Variants in LCP1 observed in about 807,000 individuals in gnomAD.
The protein encoded by LCP1 is plastin-2.
LCP1 carries 23 observed loss-of-function variants against 72.0 expected under a neutral mutation model. The observed-to-expected ratio is 0.32, with a 90% confidence interval of 0.23 to 0.45. The LOEUF (loss-of-function observed/expected upper bound fraction) is 0.45. Among genes scored for constraint, LCP1 ranks in the 20% least tolerant of loss-of-function variants. The pLI, the probability that LCP1 is intolerant of heterozygous loss-of-function variation, is 1.00. For synonymous variants in LCP1, 245 were observed against 275.4 expected (o/e 0.89, Z 1.09); for missense variants, 571 against 748.3 (o/e 0.76, Z 2.76).
At chr13:46,163,410 G>C (rs949649440) in intron 1 of LCP1, among the ~76,000 whole-genome samples, 17 of 152,248 alleles carry the variant, frequency 1.1e-4, no homozygotes, top group Admixed American at 1.0e-3. Context: ...TGCCAGATGT[G>C]CTTTGTTAAA....
rs916343134 is a variant in LCP1, at chr13:46,147,487, T to C, written c.979-384A>G. 2.0e-5 allele frequency among the ~76,000 whole-genome samples: 3 copies of C among 152,220 alleles called. No individual in the cohort carries two copies. In the East Asian group the frequency reaches 5.8e-4, roughly 29 times the overall value. ...ATGACATGAGATTGTCTATCAAAAATTTTATTTATTAATTTATATTCCCAT... is the reference window on the plus strand; with the variant it reads ...ATGACATGAGATTGTCTATCAAAAACTTTATTTATTAATTTATATTCCCAT... On this transcript the variant is annotated intron_variant, in intron 9 of 15. Coordinates refer to ENST00000323076, the MANE Select transcript of LCP1 (RefSeq NM_002298.5).
intron 1 of LCP1, among the ~76,000 whole-genome samples, chr13:46,164,186 G>T (rs796377579): frequency 6.6e-6 from 1 of 152,148 alleles, no homozygotes; most frequent in Non-Finnish European, 1.5e-5. Context: ...ATTTTAGAGC[G>T]CTATCAGCAG....
intron 7 of LCP1, among the ~76,000 whole-genome samples, chr13:46,151,599 A>G (rs961637439): frequency 6.6e-6 from 1 of 152,196 alleles, no homozygotes; most frequent in Non-Finnish European, 1.5e-5. Context: ...TTGCTCAGCT[A>G]GAAGGTTTAA....
At position 46,151,385 on chromosome 13, in the gene LCP1, C is replaced by T. The variant is rs145560458; in HGVS notation, c.740-307G>A. 1.1e-3 allele frequency among the ~76,000 whole-genome samples: 164 copies of T among 152,312 alleles called. 2 individuals are homozygous for T. Among genetic ancestry groups the T allele is most frequent in the African/African-American group, 3.1e-3 (127 of 41,568 alleles). On this transcript the variant is annotated intron_variant, in intron 7 of 15. Transcript: ENST00000323076. ...ATAAAAATAACCAAGGCTACTGGCT[C>T]GGATGTTTTGCTGGGTCTGTCAAAC...
At chr13:46,145,943 A>G (rs2045727993) in intron 10 of LCP1, among the ~76,000 whole-genome samples, 1 of 147,698 alleles carries the variant, frequency 6.8e-6, no homozygotes. Context: ...AAAAAAAAAA[A>G]AAAGAGGGCA....
intron 1 of LCP1, among the ~76,000 whole-genome samples, chr13:46,178,938 C>T (rs1480838436): frequency 1.3e-5 from 2 of 152,168 alleles, no homozygotes; most frequent in Non-Finnish European, 2.9e-5. Flanking sequence ...CTCCTGTATA[C>T]ACAGAAGGGC....
chr13:46,126,677 T>A lies in LCP1; in HGVS notation c.*914A>T, dbSNP rs568956432. 6 of 231,688 alleles carry A rather than the reference T, an allele frequency of 2.6e-5. No homozygotes were observed. In the South Asian group the frequency reaches 1.1e-3, roughly 42 times the overall value. 14.4% of individuals were successfully genotyped at this position (231,688 alleles called of 1,614,324 possible). A position where few individuals can be genotyped will look rare whatever the true frequency, so the allele number is the denominator to read the frequency against. On this transcript the variant is annotated 3_prime_UTR_variant, in exon 16 of 16. Transcript: ENST00000323076. ...GCCATACCACAGTAACTAGATCTAATGTGAGGGCTAAATGCCTGGAGAGGC... is the reference window on the plus strand; with the variant it reads ...GCCATACCACAGTAACTAGATCTAAAGTGAGGGCTAAATGCCTGGAGAGGC...
chr13:46,148,541 A>G, intron 8 of LCP1, 94 bp from the exon 9 acceptor site: 1 of 776,928 alleles, frequency 1.3e-6, no homozygotes, highest in Non-Finnish European at 2.1e-6. Context: ...ATTTTATTTC[A>G]TATTCAGCTA....
intron 1 of LCP1, among the ~76,000 whole-genome samples, chr13:46,178,211 C>A (rs1042804426): frequency 1.3e-5 from 2 of 152,098 alleles, no homozygotes; most frequent in Admixed American, 1.3e-4. Context: ...CTTAGAAAAA[C>A]ACCTGATTCA....
intron 1 of LCP1, among the ~76,000 whole-genome samples, chr13:46,177,979 G>A (rs2045939825): frequency 6.6e-6 from 1 of 152,058 alleles, no homozygotes; most frequent in Non-Finnish European, 1.5e-5. Context: ...ATGATTATTT[G>A]AGCTCAACTT....
At chr13:46,140,226 A>G (rs2138229674) in intron 13 of LCP1, among the ~76,000 whole-genome samples, 1 of 152,334 alleles carries the variant, frequency 6.6e-6, no homozygotes, top group South Asian at 2.1e-4. Context: ...AGCGGCCTTC[A>G]GAGGGTTTCC....
chr13:46,151,034 T>A lies in LCP1; in HGVS notation c.784A>T (p.Met262Leu). Residue 262 changes from methionine to leucine, a missense_variant, in exon 8 of 16, where the codon ATG (methionine) becomes TTG (leucine). By Grantham distance (15) the Met-to-Leu change is conservative (BLOSUM62 2). Coordinates refer to ENST00000323076, the MANE Select transcript of LCP1 (RefSeq NM_002298.5). ...AAGAGCTCTTCAGGGGAGAGTTTCA[T>A]CAAATCCTCCAGGCTCTCACCTTCT... is the stretch of plus-strand genomic sequence containing the variant. The part of the protein sequence containing the change: ...LREGESLEDL[M>L]KLSPEELLLR... 1.2e-6 allele frequency: 2 copies of A among 1,613,914 alleles called. No individual in the cohort carries two copies. The highest frequency in any genetic ancestry group is 1.7e-6 in the Non-Finnish European group (2 of 1,179,954).
At chr13:46,131,670 A>G (rs1460668193) in intron 14 of LCP1, among the ~76,000 whole-genome samples, 1 of 152,210 alleles carries the variant, frequency 6.6e-6, no homozygotes, top group Admixed American at 6.5e-5. Flanking sequence ...AATACTATGC[A>G]GCCACAAAAG....
At chr13:46,132,222 G>A (rs1365390179) in intron 14 of LCP1, among the ~76,000 whole-genome samples, 7 of 152,076 alleles carry the variant, frequency 4.6e-5, no homozygotes, top group African/African-American at 1.4e-4. Context: ...CCCCAGCATC[G>A]CTTGTCAAAC....
chr13:46,134,312 A>G, intron 13 of LCP1, 62 bp from the exon 14 acceptor site: 1 of 1,550,944 alleles, frequency 6.4e-7, no homozygotes, highest in Non-Finnish European at 8.8e-7. Flanking sequence ...ATAAACAAAA[A>G]GTAGCTAAGG....
chr13:46,181,125 A>C (rs2045953571), intron 1 of LCP1, among the ~76,000 whole-genome samples: 1 of 152,248 alleles, frequency 6.6e-6, no homozygotes, highest in Non-Finnish European at 1.5e-5. Flanking sequence ...TTGCTTACTG[A>C]TAGTTCTGAC....
chr13:46,150,085 C>T (rs535357057), intron 8 of LCP1, among the ~76,000 whole-genome samples: 2 of 152,306 alleles, frequency 1.3e-5, no homozygotes, highest in East Asian at 3.9e-4. Flanking sequence ...GAAACTGTTA[C>T]TCAAAGAATT....
At chr13:46,144,364 A>T in intron 11 of LCP1, 78 bp downstream of exon 11, 1 of 1,100,502 alleles carries the variant, frequency 9.1e-7, no homozygotes. Flanking sequence ...GAGAATGCAC[A>T]TCATAGTGGT....
At chr13:46,128,470 C>T (rs142162722) in intron 15 of LCP1, among the ~76,000 whole-genome samples, 14 of 151,984 alleles carry the variant, frequency 9.2e-5, no homozygotes, top group East Asian at 3.9e-4. Context: ...TGGTGGCGTG[C>T]GCCTGTAGTC....
Sources: allele counts gnomAD v4.1 joint callset (sites outside exome capture counted in the v4.1 genomes callset), GRCh38; gene constraint gnomAD v4.1.1; transcripts MANE v1.5; gene names NCBI Gene and HGNC (gene_info 2026-07-23, HGNC 2026-07-21).